The following PIGK variants were observed in gnomAD, a reference collection of about 807,000 sequenced individuals.
PIGK encodes phosphatidylinositol glycan anchor biosynthesis class K.
PIGK carries 42 observed loss-of-function variants against 50.6 expected under a neutral mutation model. The ratio of observed to expected loss-of-function variants is 0.83; its 90% CI spans 0.65 to 1.07. PIGK has a LOEUF of 1.07. Ranked by LOEUF, PIGK falls within the 50% of genes least tolerant of loss-of-function variation. The pLI is 0.00. For missense variants in PIGK, 448 were observed against 488.7 expected, an observed-to-expected ratio of 0.92 and a Z score of 0.78; for synonymous variants, 151 against 156.0, an observed-to-expected ratio of 0.97 and a Z score of 0.24.
chr1:77,166,810 T>TA lies in PIGK; in HGVS notation c.395dup (p.Leu132PhefsTer11). The TA allele has an allele frequency of 1.3e-6, 2 of 1,582,692 alleles. No homozygotes were observed. Among genetic ancestry groups the TA allele is most frequent in the Non-Finnish European group, 1.7e-6 (2 of 1,157,936 alleles). ...GTGGGATCCTCCCAGTTAATACCCG[T>TA]AAAAAATTCTCCACAGTTACCTAAG... On this transcript the variant is annotated frameshift_variant, in exon 5 of 11. Transcript: ENST00000370812. LOFTEE classifies it high-confidence loss of function.
intron 5 of PIGK, 64 bp from the exon 6 acceptor site, chr1:77,164,006 T>C (rs1655182921): frequency 5.0e-6 from 4 of 796,710 alleles, no homozygotes; most frequent in African/African-American, 1.8e-5. Context: ...TCTAGATATA[T>C]ACATTTACTT....
intron 1 of PIGK, among the ~76,000 whole-genome samples, chr1:77,217,914 A>G (rs563330556): frequency 3.3e-5 from 5 of 152,332 alleles, no homozygotes; most frequent in Non-Finnish European, 5.9e-5. Flanking sequence ...AAAAAACAGT[A>G]ATAGTATCCA....
At chr1:77,185,732 C>G (rs1192443857) in intron 3 of PIGK, among the ~76,000 whole-genome samples, 12 of 152,214 alleles carry the variant, frequency 7.9e-5, no homozygotes, top group Non-Finnish European at 2.9e-5. Context: ...CCACATGGGC[C>G]ATATGACACA....
chr1:77,158,841 A>T (rs1409769656), intron 8 of PIGK, among the ~76,000 whole-genome samples: 2 of 152,214 alleles, frequency 1.3e-5, no homozygotes, highest in Non-Finnish European at 2.9e-5. Flanking sequence ...CCTTATATTT[A>T]AAAGGGAAGC....
chr1:77,216,136 C>T (rs566956882), intron 1 of PIGK, among the ~76,000 whole-genome samples: 4 of 152,030 alleles, frequency 2.6e-5, no homozygotes, highest in Non-Finnish European at 1.5e-5. Flanking sequence ...TTTGAGGTGA[C>T]AGATATGCTG....
chr1:77,154,255 T>A, intron 9 of PIGK, 194 bp downstream of exon 9: 1 of 557,634 alleles, frequency 1.8e-6, no homozygotes, highest in South Asian at 2.7e-5. Context: ...CTAACGATGA[T>A]CTTAGTTTCC....
intron 9 of PIGK, among the ~76,000 whole-genome samples, chr1:77,135,745 T>G (rs1376211698): frequency 1.3e-5 from 2 of 151,770 alleles, no homozygotes; most frequent in Non-Finnish European, 2.9e-5. Flanking sequence ...CTGCATACTT[T>G]CCTCACTGTC....
chr1:77,216,803 C>G (rs764151031), intron 1 of PIGK, among the ~76,000 whole-genome samples: 2 of 152,170 alleles, frequency 1.3e-5, no homozygotes, highest in Non-Finnish European at 2.9e-5. Context: ...AGTCATTTAG[C>G]TCTTTAGACT....
At chr1:77,200,932 T>C (rs751464001) in intron 3 of PIGK, among the ~76,000 whole-genome samples, 1 of 152,154 alleles carries the variant, frequency 6.6e-6, no homozygotes. Flanking sequence ...TGGTGGATAG[T>C]GAATGTGTAT....
intron 3 of PIGK, among the ~76,000 whole-genome samples, chr1:77,186,856 T>G: frequency 6.6e-6 from 1 of 152,144 alleles, no homozygotes; most frequent in Non-Finnish European, 1.5e-5. Context: ...TATGGCACCA[T>G]TCCTCGGCAT....
intron 10 of PIGK, among the ~76,000 whole-genome samples, chr1:77,110,326 A>T (rs1285002495): frequency 6.6e-6 from 1 of 152,152 alleles, no homozygotes; most frequent in Non-Finnish European, 1.5e-5. Context: ...AAAAGAACAA[A>T]GCTGGAGGCA....
At chr1:77,205,458 A>G (rs1456748833) in intron 3 of PIGK, among the ~76,000 whole-genome samples, 1 of 151,718 alleles carries the variant, frequency 6.6e-6, no homozygotes, top group Non-Finnish European at 1.5e-5. Context: ...TGATCTATTC[A>G]CAAAGACTGT....
At chr1:77,206,415 CA>C (rs1401980145) in intron 3 of PIGK, among the ~76,000 whole-genome samples, 1 of 152,040 alleles carries the variant, frequency 6.6e-6, no homozygotes, top group Non-Finnish European at 1.5e-5. Context: ...ATATTTTATC[CA>C]ATCTTTTTAC....
chr1:77,123,986 C>T (rs75214944), intron 9 of PIGK, among the ~76,000 whole-genome samples: 22 of 151,670 alleles, frequency 1.5e-4, no homozygotes, highest in African/African-American at 4.6e-4. Context: ...AGAGGAGGAG[C>T]GCAGGACACC....
At chr1:77,181,302 G>C (rs1045768242) in intron 3 of PIGK, among the ~76,000 whole-genome samples, 4 of 151,654 alleles carry the variant, frequency 2.6e-5, no homozygotes, top group Admixed American at 6.6e-5. Flanking sequence ...GTGACCGGTA[G>C]GTAAAAAAAA....
chr1:77,127,753 G>A (rs1239102414), intron 9 of PIGK, among the ~76,000 whole-genome samples: 2 of 152,094 alleles, frequency 1.3e-5, no homozygotes, highest in Non-Finnish European at 2.9e-5. Context: ...ACCAAAAATA[G>A]GAAGGTAGCC....
intron 10 of PIGK, among the ~76,000 whole-genome samples, chr1:77,107,475 C>A (rs1031006989): frequency 4.6e-5 from 7 of 152,102 alleles, no homozygotes; most frequent in Admixed American, 3.9e-4. Context: ...AATTTCTGTT[C>A]TTTTACATTT....
intron 6 of PIGK, among the ~76,000 whole-genome samples, chr1:77,163,606 A>T (rs1386721753): frequency 6.6e-6 from 1 of 152,178 alleles, no homozygotes; most frequent in African/African-American, 2.4e-5. Flanking sequence ...CCTCTAAAAA[A>T]GATGCTAAAT....
intron 9 of PIGK, among the ~76,000 whole-genome samples, chr1:77,152,845 T>C (rs899361254): frequency 5.3e-5 from 8 of 151,696 alleles, no homozygotes; most frequent in Admixed American, 3.9e-4. Context: ...AGTTAGCTTA[T>C]AAAAAAGACC....
Sources: allele counts gnomAD v4.1 joint callset (sites outside exome capture counted in the v4.1 genomes callset), GRCh38; gene constraint gnomAD v4.1.1; transcripts MANE v1.5; gene names NCBI Gene and HGNC (gene_info 2026-07-23, HGNC 2026-07-21).